PPP1R13B: variants seen among roughly 807,000 people sequenced by gnomAD.
The protein encoded by PPP1R13B is apoptosis-stimulating of p53 protein 1.
PPP1R13B carries 44 observed loss-of-function variants against 119.8 expected under a neutral mutation model. That is an observed-to-expected ratio of 0.37 (90% CI 0.29 to 0.47). The LOEUF (loss-of-function observed/expected upper bound fraction) is 0.47, where lower values mean the gene tolerates loss of function less well. PPP1R13B is among the 20% of genes least tolerant of loss of function. The pLI is 0.99. For synonymous variants in PPP1R13B, 542 were observed against 561.5 expected (o/e 0.97, Z 0.49); for missense variants, 1,227 against 1,413.5 (o/e 0.87, Z 2.12).
Position 103,734,604 on chromosome 14 carries a change from G to A in PPP1R13B, c.*550C>T, listed in dbSNP as rs997041864. On this transcript the variant is annotated 3_prime_UTR_variant, in exon 17 of 17. Coordinates refer to ENST00000202556, the MANE Select transcript of PPP1R13B (RefSeq NM_015316.3). ...AACCCCCAAGGCGGCCGAGCAGAGT[G>A]GGTACTGGGAGGCATACACACTGGG... The A allele has an allele frequency of 4.4e-6, 2 of 456,424 alleles. No individual in the cohort carries two copies. The highest frequency in any genetic ancestry group is 1.5e-5 in the South Asian group (1 of 64,570). The allele number at this position is 456,424 out of a possible 1,614,324, so 28.3% of individuals were successfully genotyped here.
At position 103,847,566 on chromosome 14, in the gene PPP1R13B, C is replaced by G. The variant is rs1276209013; in HGVS notation, c.-259G>C. On this transcript the variant is annotated 5_prime_UTR_variant, in exon 1 of 17. Coordinates refer to ENST00000202556, the MANE Select transcript of PPP1R13B (RefSeq NM_015316.3). ...CCTCAGCCTCAGCCTCAGCCCCAGC[C>G]CGACAGCCTGCGGCCCGCCCGCCCG... The G allele has an allele frequency of 1.0e-6, 1 of 986,306 alleles. No homozygotes were observed. The highest frequency in any genetic ancestry group is 1.2e-6 in the Non-Finnish European group (1 of 830,918). The allele number at this position is 986,306 out of a possible 1,614,324, so 61.1% of individuals were successfully genotyped here. A position where few individuals can be genotyped will look rare whatever the true frequency, so the allele number is the denominator to read the frequency against.
intron 1 of PPP1R13B, among the ~76,000 whole-genome samples, chr14:103,830,726 G>T (rs1425412392): frequency 2.0e-5 from 3 of 151,996 alleles, no homozygotes; most frequent in African/African-American, 7.3e-5. Flanking sequence ...GAATGGCTGG[G>T]GATTTAACCC....
rs758909058 is a variant in PPP1R13B, at chr14:103,740,555, G to C, written c.1861C>G (p.Pro621Ala). ...CCGTGAAGAAACGGCAGCGGCGATG[G>C]AGAGGTTGAACCCGAAGGTAAAACG... is the stretch of plus-strand genomic sequence containing the variant. ...KPVLPSGSTS[P>A]SPLPFLHGSL... The change falls in exon 12 of 17, where the codon CCA becomes GCA. Residue 621 changes from proline to alanine, a missense_variant. Coordinates refer to ENST00000202556, the MANE Select transcript of PPP1R13B (RefSeq NM_015316.3). The surrounding 1 kb of genome is among the most constrained non-coding windows in gnomAD (Gnocchi z 4.6). 1.3e-6 allele frequency: 2 copies of C among 1,557,516 alleles called. No individual in the cohort carries two copies. The highest frequency in any genetic ancestry group is 2.3e-5 in the East Asian group (1 of 44,120).
chr14:103,818,077 G>C (rs1458959215), intron 1 of PPP1R13B, among the ~76,000 whole-genome samples: 2 of 152,024 alleles, frequency 1.3e-5, no homozygotes, highest in African/African-American at 2.4e-5. Flanking sequence ...ACAAAACATT[G>C]TAAGTGTGAC....
At chr14:103,827,191 G>A (rs2086567909) in intron 1 of PPP1R13B, among the ~76,000 whole-genome samples, 1 of 151,390 alleles carries the variant, frequency 6.6e-6, no homozygotes, top group South Asian at 2.1e-4. Flanking sequence ...AGGTGTGGTG[G>A]CAGGTGTGGT....
At chr14:103,817,288 G>C (rs1226833571) in intron 1 of PPP1R13B, among the ~76,000 whole-genome samples, 3 of 152,002 alleles carry the variant, frequency 2.0e-5, no homozygotes, top group African/African-American at 7.3e-5. Flanking sequence ...CACCTAATTA[G>C]GTGAGCTCCA....
chr14:103,804,966 A>T (rs1417020917), intron 1 of PPP1R13B, among the ~76,000 whole-genome samples: 1 of 152,108 alleles, frequency 6.6e-6, no homozygotes, highest in Non-Finnish European at 1.5e-5. Context: ...CCTCCCAAGT[A>T]GCTGGGATTA....
intron 1 of PPP1R13B, among the ~76,000 whole-genome samples, chr14:103,845,624 G>A (rs1226809223): frequency 2.0e-5 from 3 of 152,098 alleles, no homozygotes; most frequent in Non-Finnish European, 4.4e-5. Context: ...TGAATCATAT[G>A]GAAAATGTAA....
chr14:103,798,719 T>C (rs1390244669), intron 1 of PPP1R13B, among the ~76,000 whole-genome samples: 1 of 152,198 alleles, frequency 6.6e-6, no homozygotes, highest in Admixed American at 6.5e-5. Context: ...TTTTATTTTT[T>C]TGAGACAGGG....
intron 1 of PPP1R13B, chr14:103,804,054 T>C (rs545327403): frequency 3.0e-6 from 3 of 984,944 alleles, no homozygotes; most frequent in Non-Finnish European, 2.4e-6. Context: ...CATTACCTGG[T>C]CTTGAAATCA....
chr14:103,806,648 G>A (rs1463981234), intron 1 of PPP1R13B, among the ~76,000 whole-genome samples: 1 of 152,130 alleles, frequency 6.6e-6, no homozygotes, highest in Non-Finnish European at 1.5e-5. Flanking sequence ...GGAAAACTAA[G>A]TCTAAGCCAT....
At chr14:103,784,992 A>G in intron 2 of PPP1R13B, 78 bp from the exon 3 acceptor site, 1 of 1,317,140 alleles carries the variant, frequency 7.6e-7, no homozygotes, top group East Asian at 2.4e-5. Flanking sequence ...AAAAACTTAA[A>G]TGAATGTATA....
rs1429265597 is a variant in PPP1R13B, at chr14:103,733,442, T to TAATA, written c.*1708_*1711dup. The TAATA allele has an allele frequency of 5.8e-6, 1 of 173,598 alleles. No individual in the cohort carries two copies. Among genetic ancestry groups the TAATA allele is most frequent in the East Asian group, 1.7e-4 (1 of 5,946 alleles). The allele number at this position is 173,598 out of a possible 1,614,324, so 10.8% of individuals were successfully genotyped here. On this transcript the variant is annotated 3_prime_UTR_variant, in exon 17 of 17. Transcript: ENST00000202556. Reference sequence around the variant, plus strand: ...GTCTGCAGTGGAGCCTGTTCGCCTCTAATAGCCAGTTTACAGCACTTGCCT... The same window carrying TAATA: ...GTCTGCAGTGGAGCCTGTTCGCCTCTAATAAATAGCCAGTTTACAGCACTTGCCT...
chr14:103,795,865 C>T (rs1479580019), intron 2 of PPP1R13B, among the ~76,000 whole-genome samples: 2 of 152,178 alleles, frequency 1.3e-5, no homozygotes, highest in East Asian at 1.9e-4. Context: ...AAATTCTTTA[C>T]TCTGAATTCT....
chr14:103,748,204 C>T (rs2084442187), intron 8 of PPP1R13B, among the ~76,000 whole-genome samples: 2 of 152,208 alleles, frequency 1.3e-5, no homozygotes, highest in African/African-American at 2.4e-5. Context: ...AGGGAAAGTG[C>T]TTGCAGCCTC....
intron 1 of PPP1R13B, among the ~76,000 whole-genome samples, chr14:103,815,953 G>A (rs1329211111): frequency 6.6e-6 from 1 of 151,194 alleles, no homozygotes; most frequent in Non-Finnish European, 1.5e-5. Flanking sequence ...GTGTGGTGAC[G>A]GGCACCTGCA....
At chr14:103,829,029 T>C (rs1035684086) in intron 1 of PPP1R13B, among the ~76,000 whole-genome samples, 5 of 152,202 alleles carry the variant, frequency 3.3e-5, no homozygotes. Context: ...AATAATCCAG[T>C]GTGTTAAATA....
At position 103,740,638 on chromosome 14, in the gene PPP1R13B, G is replaced by C; in HGVS notation, c.1823-45C>G. The C allele has an allele frequency of 6.9e-7, 1 of 1,442,076 alleles. No individual in the cohort carries two copies. The allele number at this position is 1,442,076 out of a possible 1,614,324, so 89.3% of individuals were successfully genotyped here. A position where few individuals can be genotyped will look rare whatever the true frequency, so the allele number is the denominator to read the frequency against. ...CAGGCAATTTTGACCTCACTACAGAGATCTAGTCATACACACCTATGATTA... is the reference window on the plus strand; with the variant it reads ...CAGGCAATTTTGACCTCACTACAGACATCTAGTCATACACACCTATGATTA... On this transcript the variant is annotated intron_variant, in intron 11 of 16. Coordinates refer to ENST00000202556, the MANE Select transcript of PPP1R13B (RefSeq NM_015316.3). The surrounding 1 kb of genome is among the most constrained non-coding windows in gnomAD (Gnocchi z 4.6).
chr14:103,754,728 G>GTTT (rs2084633539), intron 5 of PPP1R13B, among the ~76,000 whole-genome samples: 1 of 151,912 alleles, frequency 6.6e-6, no homozygotes, highest in Non-Finnish European at 1.5e-5. Flanking sequence ...GCGTACCTAA[G>GTTT]TATGAAATAG....
Sources: allele counts gnomAD v4.1 joint callset (sites outside exome capture counted in the v4.1 genomes callset), GRCh38; gene constraint gnomAD v4.1.1; non-coding constraint Gnocchi (gnomAD v3.1); transcripts MANE v1.5; gene names NCBI Gene and HGNC (gene_info 2026-07-23, HGNC 2026-07-21).